Variants in CLEC4D observed in about 807,000 individuals in gnomAD.
The protein encoded by CLEC4D is C-type (calcium dependent, carbohydrate-recognition domain) lectin, superfamily member 8.
CLEC4D carries 21 observed loss-of-function variants against 21.1 expected under a neutral mutation model. That is an observed-to-expected ratio of 1.00 (90% CI 0.71 to 1.43). The LOEUF is 1.43. Ranked by LOEUF, CLEC4D falls within the 40% of genes most tolerant of loss-of-function variation. The probability of loss-of-function intolerance (pLI) is 0.00; values close to 1 mark genes in which losing one functional copy is unlikely to be tolerated. For missense variants in CLEC4D, 289 were observed against 260.7 expected (o/e 1.11, Z -0.75); for synonymous variants, 85 against 83.1 (o/e 1.02, Z -0.12).
the CLEC4D span, among the ~76,000 whole-genome samples, chr12:8,528,362 C>A: frequency 6.6e-6 from 1 of 152,192 alleles, no homozygotes; most frequent in Non-Finnish European, 1.5e-5. Context: ...TCCCTACCAG[C>A]AAGAAGGCCC....
chr12:8,525,177 T>C (rs937068472), downstream of CLEC4D, among the ~76,000 whole-genome samples: 1 of 152,230 alleles, frequency 6.6e-6, no homozygotes, highest in Non-Finnish European at 1.5e-5. Context: ...TATATTCTGC[T>C]GATTTGGGGT....
chr12:8,524,574 G>T (rs912037290), downstream of CLEC4D, among the ~76,000 whole-genome samples: 2 of 151,840 alleles, frequency 1.3e-5, no homozygotes, highest in Non-Finnish European at 2.9e-5. Context: ...TACTGTGTCT[G>T]TTTGATTCTT....
chr12:8,520,224 A>G lies in CLEC4D; in HGVS notation c.385-2A>G, dbSNP rs1940440585. 6 of 1,613,416 alleles carry G rather than the reference A, an allele frequency of 3.7e-6. No individual in the cohort carries two copies. Among genetic ancestry groups the G allele is most frequent in the Non-Finnish European group, 5.1e-6 (6 of 1,179,594 alleles). On this transcript the variant is annotated splice_acceptor_variant, in intron 4 of 5. Transcript: ENST00000299665. LOFTEE classifies it high-confidence loss of function. The stretch of plus-strand genomic sequence containing the variant: ...TATATTAAAATTTACATTTTTATGC[A>G]GAACTTTATTATTCAGTTTCTGGAT...
chr12:8,517,059 G>A (rs1940390547), intron 2 of CLEC4D, among the ~76,000 whole-genome samples: 1 of 152,188 alleles, frequency 6.6e-6, no homozygotes, highest in African/African-American at 2.4e-5. Flanking sequence ...GTTAGTAAGT[G>A]ACAAAATTGT....
chr12:8,523,447 C>A (rs936648909), downstream of CLEC4D, among the ~76,000 whole-genome samples: 3 of 152,108 alleles, frequency 2.0e-5, no homozygotes, highest in Admixed American at 2.0e-4. Context: ...GTATTCTATT[C>A]TCATTGTAGC....
At chr12:8,530,459 C>CAAAAAAAAAAAAAAAAAAAA in the CLEC4D span, among the ~76,000 whole-genome samples, 1 of 87,364 alleles carries the variant, frequency 1.1e-5, no homozygotes, top group Non-Finnish European at 2.4e-5. Flanking sequence ...ATCAAGAAAG[C>CAAAAAAAAAAAAAAAAAAAA]AAAAAAAAAA....
the CLEC4D span, among the ~76,000 whole-genome samples, chr12:8,528,923 C>T: frequency 5.9e-5 from 9 of 151,656 alleles, no homozygotes; most frequent in African/African-American, 2.2e-4. Flanking sequence ...ATATACTAAA[C>T]ATATATAGAT....
Position 8,521,623 on chromosome 12 carries a change from C to T in CLEC4D, c.*352C>T, listed in dbSNP as rs1159903356. 12 of 167,882 alleles carry T rather than the reference C, an allele frequency of 7.1e-5. No individual in the cohort carries two copies. Among genetic ancestry groups the T allele is most frequent in the Non-Finnish European group, 1.1e-4 (9 of 81,096 alleles). The allele number at this position is 167,882 out of a possible 1,614,324, so 10.4% of individuals were successfully genotyped here. A position where few individuals can be genotyped will look rare whatever the true frequency, so the allele number is the denominator to read the frequency against. On this transcript the variant is annotated 3_prime_UTR_variant, in exon 6 of 6. Transcript: ENST00000299665. ...CTTTGTCATTTTTCCCCTTCTCAGA[C>T]TCTTAGCTCTTAAAATTCAAAGATG...
At position 8,521,343 on chromosome 12, in the gene CLEC4D, C is replaced by A; in HGVS notation, c.*72C>A. On this transcript the variant is annotated 3_prime_UTR_variant, in exon 6 of 6. Transcript: ENST00000299665. ...ATTAGAATAAGGCAGAATGTACGTG[C>A]GTCATTGGAACACAGAAAACATGCT... 1.3e-6 allele frequency: 2 copies of A among 1,527,954 alleles called. No individual in the cohort carries two copies. The highest frequency in any genetic ancestry group is 1.3e-5 in the South Asian group (1 of 77,678). 94.6% of individuals were successfully genotyped at this position (1,527,954 alleles called of 1,614,324 possible).
At chr12:8,516,085 T>C (rs1251699138) in intron 2 of CLEC4D, among the ~76,000 whole-genome samples, 1 of 152,168 alleles carries the variant, frequency 6.6e-6, no homozygotes, top group Non-Finnish European at 1.5e-5. Flanking sequence ...AAGATGAAAT[T>C]GGTCTCCTGC....
chr12:8,529,115 A>G, the CLEC4D span, among the ~76,000 whole-genome samples: 2 of 152,194 alleles, frequency 1.3e-5, no homozygotes, highest in Non-Finnish European at 2.9e-5. Context: ...TTCTTTTTTA[A>G]TAACACTTAG....
the CLEC4D span, among the ~76,000 whole-genome samples, chr12:8,531,230 A>T: frequency 1.3e-5 from 2 of 152,084 alleles, no homozygotes; most frequent in Non-Finnish European, 2.9e-5. Context: ...TCTGGGATCT[A>T]ACTCTCTGAG....
rs770277622 is a variant in CLEC4D, at chr12:8,520,240, G to T, written c.399G>T (p.Gln133His). 1.2e-6 allele frequency: 2 copies of T among 1,613,872 alleles called. No individual in the cohort carries two copies. Among genetic ancestry groups the T allele is most frequent in the South Asian group, 2.2e-5 (2 of 91,070 alleles). The part of the protein sequence containing the change: ...STEAEQNFII[Q>H]FLDRRLSYFL... ...TTTTTATGCAGAACTTTATTATTCA[G>T]TTTCTGGATAGACGGCTTTCCTATT... Residue 133 changes from glutamine to histidine, a missense_variant, in exon 5 of 6, where the codon CAG (glutamine) becomes CAT (histidine). Transcript: ENST00000299665.
At chr12:8,524,039 G>T (rs1940487372), downstream of CLEC4D, among the ~76,000 whole-genome samples, 1 of 152,200 alleles carries the variant, frequency 6.6e-6, no homozygotes, top group African/African-American at 2.4e-5. Flanking sequence ...TTGCATCCCA[G>T]GGATGAAGCT....
chr12:8,528,409 C>T, the CLEC4D span, among the ~76,000 whole-genome samples: 1 of 152,120 alleles, frequency 6.6e-6, no homozygotes, highest in East Asian at 1.9e-4. Context: ...GACTTCTCAG[C>T]CTCCATCACT....
At position 8,513,629 on chromosome 12, in the gene CLEC4D, G is replaced by C; in HGVS notation, c.-104G>C. The C allele has an allele frequency of 1.5e-6, 1 of 673,764 alleles. No homozygotes were observed. The highest frequency in any genetic ancestry group is 2.5e-5 in the East Asian group (1 of 39,792). The allele number at this position is 673,764 out of a possible 1,614,324, so 41.7% of individuals were successfully genotyped here. Reference sequence around the variant, plus strand: ...ATGTAACATTGGTGTTCGATCTCAAGTATTTCTGAATATATTCCCCTATCC... The same window carrying C: ...ATGTAACATTGGTGTTCGATCTCAACTATTTCTGAATATATTCCCCTATCC... On this transcript the variant is annotated 5_prime_UTR_variant, in exon 1 of 6. Coordinates refer to ENST00000299665, the MANE Select transcript of CLEC4D (RefSeq NM_080387.5).
chr12:8,529,166 G>T, the CLEC4D span, among the ~76,000 whole-genome samples: 5 of 152,176 alleles, frequency 3.3e-5, no homozygotes, highest in South Asian at 1.0e-3. Context: ...AGCAATCTCC[G>T]TTCAGATTGG....
At position 8,513,749 on chromosome 12, in the gene CLEC4D, C is replaced by G; in HGVS notation, c.17C>G (p.Pro6Arg). The G allele has an allele frequency of 8.8e-7, 1 of 1,141,756 alleles. No homozygotes were observed. The highest frequency in any genetic ancestry group is 1.5e-5 in the African/African-American group (1 of 65,244). The allele number at this position is 1,141,756 out of a possible 1,614,324, so 70.7% of individuals were successfully genotyped here. MGLEK[P>R]QSKLEGGMHP... ...AATTAGACAATGGGGCTAGAAAAAC[C>G]TCAAAGTAAACGTGAGTACTTTCTC... Residue 6 changes from proline to arginine, a missense_variant, in exon 1 of 6, where the codon CCT becomes CGT. Coordinates refer to ENST00000299665, the MANE Select transcript of CLEC4D (RefSeq NM_080387.5).
At chr12:8,520,364 G>T (rs750224164) in intron 5 of CLEC4D, 23 bp downstream of exon 5, 1 of 1,600,908 alleles carries the variant, frequency 6.2e-7, no homozygotes, top group South Asian at 1.1e-5. Flanking sequence ...AGTGGGCTAA[G>T]GGGATTTATA....
Sources: gnomAD v4.1 joint callset for allele counts (sites outside exome capture counted in the v4.1 genomes callset) on GRCh38, gnomAD v4.1.1 for gene constraint, MANE v1.5 for transcripts, NCBI Gene and HGNC (gene_info 2026-07-23, HGNC 2026-07-21) for gene names.